UBAP2: variants seen among roughly 807,000 people sequenced by gnomAD.
UBAP2 encodes the protein ubiquitin associated protein 2, also known as ubiquitin-associated protein 2.
In UBAP2, 75 loss-of-function variants were observed where a neutral mutation model predicts 139.6. The observed-to-expected ratio is 0.54, with a 90% CI of 0.45 to 0.65. The LOEUF is 0.65. Among genes scored for constraint, UBAP2 ranks in the 30% least tolerant of loss-of-function variants. The pLI is 0.00. For missense variants in UBAP2, 1,368 were observed against 1,369.6 expected (o/e 1.00, Z 0.02); for synonymous variants, 526 against 526.2 (o/e 1.00, Z 0.01).
At chr9:34,039,387 C>T (rs532457387) in intron 1 of UBAP2, among the ~76,000 whole-genome samples, 40 of 152,214 alleles carry the variant, frequency 2.6e-4, no homozygotes, top group Non-Finnish European at 3.8e-4. Context: ...GCCATGATGA[C>T]GATGGCGGTT....
At position 34,030,116 on chromosome 9, in the gene UBAP2, CAT is replaced by C. The variant is rs1450834212; in HGVS notation, c.-41-12929_-41-12928del. 5.9e-5 allele frequency among the ~76,000 whole-genome samples: 9 copies of C among 151,972 alleles called. 1 individual carries two copies. The highest frequency in any genetic ancestry group is 4.2e-4 in the South Asian group (2 of 4,808). On this transcript the variant is annotated intron_variant, in intron 1 of 28. Transcript: ENST00000379238. Reference sequence around the variant, plus strand: ...AGGAGTTCAAGACCAGCCTGGGCAACATAGAGAGAACCCGTCTCTATAAAAAA... The same window carrying C: ...AGGAGTTCAAGACCAGCCTGGGCAACAGAGAGAACCCGTCTCTATAAAAAA...
chr9:34,022,313 T>G (rs1825019766), intron 1 of UBAP2, among the ~76,000 whole-genome samples: 1 of 151,486 alleles, frequency 6.6e-6, no homozygotes, highest in Non-Finnish European at 1.5e-5. Flanking sequence ...GTATCTAAAG[T>G]GAAGCATCCA....
chr9:33,982,568 C>T (rs1000591257), intron 6 of UBAP2, among the ~76,000 whole-genome samples: 13 of 152,104 alleles, frequency 8.5e-5, no homozygotes, highest in African/African-American at 3.1e-4. Flanking sequence ...GCATTCTGTT[C>T]CTATTCACCG....
At chr9:33,995,441 TATAA>T (rs1035810388) in intron 4 of UBAP2, 5 of 120,018 alleles carry the variant, frequency 4.2e-5, no homozygotes, top group African/African-American at 1.7e-4. Context: ...AAACAAATAT[TATAA>T]ATATTATATA....
At chr9:33,997,010 G>A (rs1191496458) in intron 3 of UBAP2, 2 of 152,134 alleles carry the variant, frequency 1.3e-5, no homozygotes, top group Non-Finnish European at 2.9e-5. Flanking sequence ...TCTAGCACAG[G>A]AGACAGAGCG....
rs1297591471 is a variant in UBAP2, at chr9:33,932,864, A to T, written c.2109-236T>A. Among the ~76,000 whole-genome samples the T allele has an allele frequency of 2.6e-5, 4 of 152,148 alleles. No individual in the cohort carries two copies. The East Asian group carries it at 7.7e-4, about 29-fold the overall frequency. On this transcript the variant is annotated intron_variant, in intron 18 of 28. Coordinates refer to ENST00000379238, the MANE Select transcript of UBAP2 (RefSeq NM_001370062.2). ...GAGCCAGCTTCCCTCAACGACATCC[A>T]TTTGCTCCTCAGATGCGAAAAGTGA...
chr9:33,961,702 G>T (rs1415287216), intron 9 of UBAP2, among the ~76,000 whole-genome samples: 3 of 152,164 alleles, frequency 2.0e-5, no homozygotes, highest in Non-Finnish European at 2.9e-5. Context: ...AAGAAGAAAG[G>T]AGTTAATCAT....
intron 12 of UBAP2, among the ~76,000 whole-genome samples, chr9:33,951,986 C>T (rs1826142520): frequency 6.6e-6 from 1 of 152,200 alleles, no homozygotes; most frequent in African/African-American, 2.4e-5. Context: ...GACACCACCT[C>T]ATATACCAAT....
At position 33,996,312 on chromosome 9, in the gene UBAP2, T is replaced by C. The variant is rs747118930; in HGVS notation, c.199A>G (p.Asn67Asp). 2 of 1,613,588 alleles carry C rather than the reference T, an allele frequency of 1.2e-6. No homozygotes were observed. Among genetic ancestry groups the C allele is most frequent in the East Asian group, 4.5e-5 (2 of 44,850 alleles). Residue 67 changes from asparagine to aspartate, a missense_variant, in exon 4 of 29, where the codon AAT (asparagine) becomes GAT (aspartate). Physicochemically the swap from Asn to Asp is conservative, Grantham distance 23 (BLOSUM62 1). Transcript: ENST00000379238. ...AGGGCCACTATGCATTCATCCTGAT[T>C]TTTCCCTGTCACTTCCATAAGCTAG... Reference protein sequence around the residue: ...VKQLMEVTGKNQDECIVALHD... With the variant: ...VKQLMEVTGKDQDECIVALHD...
chr9:33,937,376 G>A (rs1193607336), intron 16 of UBAP2, among the ~76,000 whole-genome samples: 2 of 152,034 alleles, frequency 1.3e-5, no homozygotes, highest in Non-Finnish European at 2.9e-5. Context: ...GGAGGCCAAG[G>A]AGGACGTATC....
chr9:34,009,983 G>C (rs1179761450), intron 2 of UBAP2, among the ~76,000 whole-genome samples: 2 of 150,516 alleles, frequency 1.3e-5, no homozygotes, highest in African/African-American at 4.9e-5. Flanking sequence ...AATTCTGTAT[G>C]TTTAGTAGAG....
intron 10 of UBAP2, among the ~76,000 whole-genome samples, chr9:33,958,703 G>A (rs1405605168): frequency 8.4e-5 from 10 of 118,860 alleles, no homozygotes; most frequent in African/African-American, 1.3e-4. Flanking sequence ...CACTGTGCCC[G>A]GCCTTTTTTT....
chr9:33,925,306 T>C (rs1823329523), intron 22 of UBAP2, among the ~76,000 whole-genome samples: 1 of 152,118 alleles, frequency 6.6e-6, no homozygotes. Context: ...CACACAGAGC[T>C]GCACAACTGA....
chr9:34,018,215 G>T (rs1352873350), intron 1 of UBAP2, among the ~76,000 whole-genome samples: 2 of 133,236 alleles, frequency 1.5e-5, no homozygotes, highest in African/African-American at 5.3e-5. Context: ...TACCCTTTAG[G>T]GATAGCGATT....
At chr9:34,025,199 T>C (rs1461345853) in intron 1 of UBAP2, among the ~76,000 whole-genome samples, 2 of 152,126 alleles carry the variant, frequency 1.3e-5, no homozygotes, top group Non-Finnish European at 2.9e-5. Context: ...AATGGAGCTG[T>C]GTGTAGTAAA....
intron 6 of UBAP2, among the ~76,000 whole-genome samples, chr9:33,975,926 C>G (rs1828305879): frequency 6.6e-6 from 1 of 151,286 alleles, no homozygotes; most frequent in East Asian, 2.0e-4. Flanking sequence ...GTTTATACAA[C>G]AAATTGAGGC....
chr9:34,006,343 T>C (rs867987235), intron 2 of UBAP2, among the ~76,000 whole-genome samples: 1 of 150,746 alleles, frequency 6.6e-6, no homozygotes, highest in South Asian at 2.1e-4. Context: ...AATTAGAATA[T>C]CAACAAACTT....
At chr9:34,033,718 C>G (rs1587692375) in intron 1 of UBAP2, among the ~76,000 whole-genome samples, 1 of 151,540 alleles carries the variant, frequency 6.6e-6, no homozygotes, top group Non-Finnish European at 1.5e-5. Context: ...GCTGCGACTA[C>G]AGTCAAGCAT....
At chr9:33,976,177 T>C (rs1402737432) in intron 6 of UBAP2, among the ~76,000 whole-genome samples, 2 of 152,156 alleles carry the variant, frequency 1.3e-5, no homozygotes, top group Non-Finnish European at 2.9e-5. Context: ...AAACTTTCAG[T>C]CTATAGCTTT....
Sources: allele counts gnomAD v4.1 joint callset (sites outside exome capture counted in the v4.1 genomes callset), GRCh38; gene constraint gnomAD v4.1.1; transcripts MANE v1.5; gene names NCBI Gene and HGNC (gene_info 2026-07-23, HGNC 2026-07-21).